Variants in PCDH9 observed in about 807,000 individuals in gnomAD.
PCDH9 encodes protocadherin 9.
PCDH9 carries 24 observed loss-of-function variants against 70.6 expected under a neutral mutation model. The ratio of observed to expected loss-of-function variants is 0.34; its 90% CI spans 0.25 to 0.48. The LOEUF (loss-of-function observed/expected upper bound fraction) is 0.48, where lower values mean the gene tolerates loss of function less well. Ranked by LOEUF, PCDH9 falls within the 20% of genes least tolerant of loss-of-function variation. The pLI is 0.99. For synonymous variants in PCDH9, 562 were observed against 558.5 expected (o/e 1.01, Z -0.09); for missense variants, 1,281 against 1,503.6 (o/e 0.85, Z 2.45).
At chr13:66,539,867 T>C (rs1261351853) in intron 4 of PCDH9, among the ~76,000 whole-genome samples, 2 of 116,902 alleles carry the variant, frequency 1.7e-5, no homozygotes. Flanking sequence ...TTTTCTTTTT[T>C]TCCTTTTTTT....
intron 3 of PCDH9, among the ~76,000 whole-genome samples, chr13:66,747,793 T>A (rs996344857): frequency 1.3e-5 from 2 of 152,156 alleles, no homozygotes; most frequent in African/African-American, 4.8e-5. Context: ...GTATATATAA[T>A]CTCCACATTA....
chr13:66,383,042 C>CTA (rs1956874638), intron 4 of PCDH9, among the ~76,000 whole-genome samples: 2 of 101,510 alleles, frequency 2.0e-5, no homozygotes, highest in Admixed American at 1.0e-4. Context: ...CAAACAAAAA[C>CTA]AAACAAACAG....
At chr13:67,052,412 G>C (rs931230281) in intron 2 of PCDH9, among the ~76,000 whole-genome samples, 1 of 152,040 alleles carries the variant, frequency 6.6e-6, no homozygotes, top group Non-Finnish European at 1.5e-5. Context: ...AAAAAGGTGA[G>C]GTCTGCAGGG....
chr13:67,000,892 C>G (rs757103043), intron 2 of PCDH9, among the ~76,000 whole-genome samples: 5 of 152,090 alleles, frequency 3.3e-5, no homozygotes, highest in Non-Finnish European at 1.5e-5. Context: ...TTTCCTGATC[C>G]TTTTAAAGTG....
intron 3 of PCDH9, among the ~76,000 whole-genome samples, chr13:66,890,876 T>C (rs544455791): frequency 1.6e-4 from 24 of 152,226 alleles, no homozygotes; most frequent in South Asian, 1.2e-3. Context: ...AATTTTTCTT[T>C]GATAGACCAC....
intron 2 of PCDH9, among the ~76,000 whole-genome samples, chr13:67,188,636 G>A (rs965607038): frequency 3.9e-5 from 6 of 151,974 alleles, no homozygotes; most frequent in Admixed American, 2.6e-4. Context: ...ATCTGCCCTG[G>A]AAAGCTTTTA....
At chr13:66,687,859 G>A (rs2078426843) in intron 3 of PCDH9, among the ~76,000 whole-genome samples, 1 of 152,036 alleles carries the variant, frequency 6.6e-6, no homozygotes, top group African/African-American at 2.4e-5. Flanking sequence ...AAGAGATCTT[G>A]ATGTTCCTGT....
chr13:66,539,267 C>G (rs1421294302), intron 4 of PCDH9, among the ~76,000 whole-genome samples: 2 of 152,028 alleles, frequency 1.3e-5, no homozygotes, highest in African/African-American at 4.8e-5. Context: ...ATTGAAGTTA[C>G]CATTTACATC....
chr13:67,180,591 C>T (rs1333611436), intron 2 of PCDH9, among the ~76,000 whole-genome samples: 1 of 152,148 alleles, frequency 6.6e-6, no homozygotes, highest in Non-Finnish European at 1.5e-5. Flanking sequence ...ACCTGTAAGA[C>T]TCTGCATGGC....
chr13:66,710,016 A>T (rs1230700190), intron 3 of PCDH9, among the ~76,000 whole-genome samples: 1 of 152,140 alleles, frequency 6.6e-6, no homozygotes, highest in Non-Finnish European at 1.5e-5. Flanking sequence ...GTTTTTAGAC[A>T]GTTGAGGGTT....
At chr13:66,736,573 C>G (rs1256114351) in intron 3 of PCDH9, among the ~76,000 whole-genome samples, 3 of 152,204 alleles carry the variant, frequency 2.0e-5, no homozygotes, top group African/African-American at 7.2e-5. Context: ...TTTACTATGG[C>G]AGCCCTAGCA....
chr13:66,691,651 T>A (rs189572865), intron 3 of PCDH9, among the ~76,000 whole-genome samples: 2 of 152,188 alleles, frequency 1.3e-5, no homozygotes, highest in East Asian at 3.9e-4. Context: ...AGAAGAAAAA[T>A]AAACTTAATC....
At chr13:66,338,821 C>T (rs371689611) in intron 4 of PCDH9, among the ~76,000 whole-genome samples, 117 of 151,798 alleles carry the variant, frequency 7.7e-4, no homozygotes, top group African/African-American at 2.3e-3. Flanking sequence ...GACATGAAAA[C>T]GTTCTATCCT....
In PCDH9 at chr13:66,805,480, A is replaced by T. The variant is rs941072447; in HGVS notation, c.3138+98024T>A. Among the ~76,000 whole-genome samples, 4 of 152,190 alleles carry T rather than the reference A, an allele frequency of 2.6e-5. No individual in the cohort carries two copies. In the East Asian group the frequency reaches 5.8e-4, roughly 22 times the overall value. On this transcript the variant is annotated intron_variant, in intron 3 of 4. Coordinates refer to ENST00000377865, the MANE Select transcript of PCDH9 (RefSeq NM_203487.3). The stretch of plus-strand genomic sequence containing the variant: ...TAAAAATAAAATTGCATGTTAATCT[A>T]GAAAATTAGAAATATGGATTTTCTC...
rs141189103 is a variant in PCDH9 at position 66,793,111 on chromosome 13, T to TTATA, written c.3138+110389_3138+110392dup. On this transcript the variant is annotated intron_variant, in intron 3 of 4. Transcript: ENST00000377865. ...ATAATACTGCACATGTAATATATGC[T>TTATA]TATATATATATATAAAGATATGTAT... 9.3e-5 allele frequency among the ~76,000 whole-genome samples: 14 copies of TTATA among 150,398 alleles called. No homozygotes were observed. The East Asian group carries it at 1.8e-3, about 19-fold the overall frequency.
chr13:66,307,804 C>T (rs1449611375), intron 4 of PCDH9, among the ~76,000 whole-genome samples: 1 of 152,032 alleles, frequency 6.6e-6, no homozygotes, highest in Non-Finnish European at 1.5e-5. Context: ...TAATTTAAGA[C>T]ATATCACTCG....
intron 4 of PCDH9, among the ~76,000 whole-genome samples, chr13:66,479,847 A>G (rs1433814885): frequency 6.6e-6 from 1 of 152,192 alleles, no homozygotes; most frequent in African/African-American, 2.4e-5. Context: ...AGTGCTCTGT[A>G]AAATAGACCA....
intron 2 of PCDH9, chr13:67,217,628 C>T (rs1447164857): frequency 1.3e-5 from 2 of 151,978 alleles, no homozygotes; most frequent in East Asian, 3.9e-4. Context: ...ACAAATGCAG[C>T]AAAGATGAAT....
intron 3 of PCDH9, among the ~76,000 whole-genome samples, chr13:66,771,648 A>G (rs1018613364): frequency 6.6e-6 from 1 of 152,238 alleles, no homozygotes; most frequent in Non-Finnish European, 1.5e-5. Context: ...GAGGCAGTAT[A>G]GAGTTTTGAT....
Sources: allele counts gnomAD v4.1 joint callset (sites outside exome capture counted in the v4.1 genomes callset), GRCh38; gene constraint gnomAD v4.1.1; transcripts MANE v1.5; gene names NCBI Gene and HGNC (gene_info 2026-07-23, HGNC 2026-07-21).